Variants in GPHN observed in about 807,000 individuals in gnomAD.
The protein encoded by GPHN is gephyrin.
GPHN carries 17 observed loss-of-function variants against 95.5 expected under a neutral mutation model. That is an observed-to-expected ratio of 0.18 (90% confidence interval 0.12 to 0.27). The LOEUF (loss-of-function observed/expected upper bound fraction) is 0.27, where lower values mean the gene tolerates loss of function less well. Among genes scored for constraint, GPHN ranks in the 10% least tolerant of loss-of-function variants. The pLI, the probability that GPHN is intolerant of heterozygous loss-of-function variation, is 1.00. For synonymous variants in GPHN, 320 were observed against 322.5 expected, an observed-to-expected ratio of 0.99 and a Z score of 0.08; for missense variants, 660 against 978.1, an observed-to-expected ratio of 0.67 and a Z score of 4.34.
the GPHN span, chr14:67,541,887 A>G: frequency 6.2e-7 from 1 of 1,602,464 alleles, no homozygotes; most frequent in South Asian, 1.1e-5. Flanking sequence ...CTCAAGGTGG[A>G]GGCGCCGGCC....
chr14:67,703,869 G>A, the GPHN span, among the ~76,000 whole-genome samples: 2 of 151,678 alleles, frequency 1.3e-5, no homozygotes, highest in Non-Finnish European at 2.9e-5. Flanking sequence ...GTAGAGATGG[G>A]GTTTTGCCAT....
the GPHN span, among the ~76,000 whole-genome samples, chr14:67,700,625 G>T: frequency 6.6e-6 from 1 of 151,240 alleles, no homozygotes. Flanking sequence ...TGAGGCAGGA[G>T]AATGGCGTGA....
rs187729174 is a variant in GPHN, at chr14:66,769,326, T to C, written c.144-7138T>C. ...AGTTTTTAAAAATTATGTTACCTTT[T>C]TTAACTTTTATTTTATGTTCAAGGG... is the stretch of plus-strand genomic sequence containing the variant. On this transcript the variant is annotated intron_variant, in intron 2 of 22. Transcript: ENST00000478722. 3.8e-3 allele frequency among the ~76,000 whole-genome samples: 576 copies of C among 152,220 alleles called. 4 individuals are homozygous for C. Among genetic ancestry groups the C allele is most frequent in the Admixed American group, 9.0e-3 (137 of 15,258 alleles).
chr14:67,047,645 C>T (rs1049817790), intron 10 of GPHN, among the ~76,000 whole-genome samples: 5 of 152,148 alleles, frequency 3.3e-5, no homozygotes, highest in African/African-American at 1.2e-4. Flanking sequence ...GGATTACAGA[C>T]ATGAGCCATT....
At chr14:67,479,438 C>CTGGGT in the GPHN span, among the ~76,000 whole-genome samples, 2 of 146,476 alleles carry the variant, frequency 1.4e-5, no homozygotes. Flanking sequence ...CTTGTGGAAG[C>CTGGGT]TGGGTGCAGT....
chr14:67,259,041 C>G, the GPHN span, among the ~76,000 whole-genome samples: 1 of 151,332 alleles, frequency 6.6e-6, no homozygotes, highest in Non-Finnish European at 1.5e-5. Context: ...CAGGCTTTCA[C>G]TATGTTGGTC....
intron 5 of GPHN, among the ~76,000 whole-genome samples, chr14:66,890,702 C>G (rs1200732246): frequency 6.6e-6 from 1 of 151,420 alleles, no homozygotes; most frequent in Non-Finnish European, 1.5e-5. Flanking sequence ...CTGATTGCAG[C>G]AACATATTAA....
chr14:67,572,832 C>CT, the GPHN span, among the ~76,000 whole-genome samples: 1 of 152,226 alleles, frequency 6.6e-6, no homozygotes, highest in Non-Finnish European at 1.5e-5. Flanking sequence ...CCCTCCAGTC[C>CT]TGCCTGGCTG....
At chr14:66,711,935 G>A (rs2069677914) in intron 2 of GPHN, among the ~76,000 whole-genome samples, 1 of 151,952 alleles carries the variant, frequency 6.6e-6, no homozygotes, top group African/African-American at 2.4e-5. Context: ...CTTTTTTATG[G>A]CTGCATAGTA....
intron 4 of GPHN, among the ~76,000 whole-genome samples, chr14:66,839,328 A>G (rs1436614917): frequency 6.6e-6 from 1 of 152,226 alleles, no homozygotes; most frequent in Non-Finnish European, 1.5e-5. Context: ...TGAAGAATGA[A>G]GATAACATTA....
At chr14:66,629,824 T>C (rs1480566124) in intron 1 of GPHN, among the ~76,000 whole-genome samples, 2 of 152,200 alleles carry the variant, frequency 1.3e-5, no homozygotes, top group African/African-American at 4.8e-5. Context: ...TGAAATATCA[T>C]TATGCAGTGC....
the GPHN span, among the ~76,000 whole-genome samples, chr14:67,681,619 T>C: frequency 6.6e-6 from 1 of 151,966 alleles, no homozygotes; most frequent in East Asian, 1.9e-4. Flanking sequence ...CCATCTCTAC[T>C]AAAAATACAA....
At chr14:66,621,256 T>A (rs1199664321) in intron 1 of GPHN, among the ~76,000 whole-genome samples, 2 of 149,472 alleles carry the variant, frequency 1.3e-5, no homozygotes, top group Non-Finnish European at 2.9e-5. Flanking sequence ...ATTACAGGCA[T>A]GAGCCACTGC....
At chr14:67,377,944 A>G in the GPHN span, among the ~76,000 whole-genome samples, 31 of 142,630 alleles carry the variant, frequency 2.2e-4, no homozygotes, top group East Asian at 5.3e-3. Context: ...TGCCATCTCT[A>G]AAAAAAAAAA....
the GPHN span, among the ~76,000 whole-genome samples, chr14:67,463,292 C>T: frequency 1.3e-5 from 2 of 152,028 alleles, no homozygotes; most frequent in South Asian, 4.2e-4. Flanking sequence ...TATTAAAAAC[C>T]AAAGGCAATG....
intron 9 of GPHN, among the ~76,000 whole-genome samples, chr14:67,000,421 CA>C (rs1223259584): frequency 6.6e-6 from 1 of 151,338 alleles, no homozygotes; most frequent in Non-Finnish European, 1.5e-5. Context: ...AAACTGTAGC[CA>C]AAAAATAAAG....
At chr14:67,244,415 C>A in the GPHN span, among the ~76,000 whole-genome samples, 6,379 of 152,262 alleles carry the variant, frequency 0.042, 819 homozygotes, top group East Asian at 0.41. Flanking sequence ...CACTGGGCAT[C>A]GTAAGATTTT....
At chr14:67,223,028 C>G in the GPHN span, among the ~76,000 whole-genome samples, 7 of 114,392 alleles carry the variant, frequency 6.1e-5, 1 homozygote, top group East Asian at 2.0e-3. Context: ...GAGATGGGGT[C>G]TCCCTCTTTC....
At position 66,508,462 on chromosome 14, in the gene GPHN, C is replaced by T; in HGVS notation, c.-66C>T. On this transcript the variant is annotated 5_prime_UTR_variant, in exon 1 of 23. Coordinates refer to ENST00000478722, the MANE Select transcript of GPHN (RefSeq NM_020806.5). ...GCGCTCTCCTCGGCGAGCGCGCTCC[C>T]GGCCCGCGCGCTCCGGGCTCCGGTT... 2 of 1,484,332 alleles carry T rather than the reference C, an allele frequency of 1.3e-6. No homozygotes were observed. Among genetic ancestry groups the T allele is most frequent in the South Asian group, 1.1e-5 (1 of 88,532 alleles). The allele number at this position is 1,484,332 out of a possible 1,614,324, so 91.9% of individuals were successfully genotyped here. A position where few individuals can be genotyped will look rare whatever the true frequency, so the allele number is the denominator to read the frequency against.
Sources: allele counts gnomAD v4.1 joint callset (sites outside exome capture counted in the v4.1 genomes callset), GRCh38; gene constraint gnomAD v4.1.1; transcripts MANE v1.5; gene names NCBI Gene and HGNC (gene_info 2026-07-23, HGNC 2026-07-21).